ATF2: variants seen among roughly 807,000 people sequenced by gnomAD.
The protein encoded by ATF2 is cyclic AMP-dependent transcription factor ATF-2.
ATF2 carries 24 observed loss-of-function variants against 60.6 expected under a neutral mutation model. That is an observed-to-expected ratio of 0.40 (90% confidence interval 0.29 to 0.56). The LOEUF is 0.56. Ranked by LOEUF, ATF2 falls within the 20% of genes least tolerant of loss-of-function variation. The probability of loss-of-function intolerance (pLI) is 0.54; values close to 1 mark genes in which losing one functional copy is unlikely to be tolerated. For synonymous variants in ATF2, 206 were observed against 215.4 expected, an observed-to-expected ratio of 0.96 and a Z score of 0.38; for missense variants, 433 against 607.7, an observed-to-expected ratio of 0.71 and a Z score of 3.02.
chr2:175,140,343 T>C (rs1698417516), intron 2 of ATF2, among the ~76,000 whole-genome samples: 1 of 152,184 alleles, frequency 6.6e-6, no homozygotes, highest in Non-Finnish European at 1.5e-5. Context: ...ACTACAACAA[T>C]GGATGAATCT....
At chr2:175,114,369 A>C in intron 8 of ATF2, 1 of 1,260,924 alleles carries the variant, frequency 7.9e-7, no homozygotes, top group African/African-American at 1.5e-5. Context: ...CTGTCATCAG[A>C]GAGCTCTTGG....
chr2:175,118,376 T>C lies in ATF2; in HGVS notation c.200-7A>G. The C allele has an allele frequency of 1.9e-6, 3 of 1,596,888 alleles. No homozygotes were observed. The highest frequency in any genetic ancestry group is 2.6e-6 in the Non-Finnish European group (3 of 1,169,678). On this transcript the variant is annotated splice_polypyrimidine_tract_variant and splice_region_variant and intron_variant, in intron 5 of 13. Coordinates refer to ENST00000264110, the MANE Select transcript of ATF2 (RefSeq NM_001880.4). ...GTTGGTGTTGGGGTCTGATCTGAAA[T>C]AAATGTCAAGAAGTAATCATGCATA...
intron 4 of ATF2, among the ~76,000 whole-genome samples, chr2:175,128,633 G>A (rs1360407469): frequency 6.6e-6 from 1 of 151,978 alleles, no homozygotes; most frequent in Non-Finnish European, 1.5e-5. Flanking sequence ...ATAATCTAAA[G>A]GCAAGCAAAA....
At chr2:175,129,908 C>T (rs1190657679) in intron 4 of ATF2, among the ~76,000 whole-genome samples, 1 of 151,936 alleles carries the variant, frequency 6.6e-6, no homozygotes, top group African/African-American at 2.4e-5. Context: ...CTTTCCATTA[C>T]AAGATATAAT....
intron 11 of ATF2, among the ~76,000 whole-genome samples, chr2:175,094,793 T>C (rs1213015684): frequency 6.6e-6 from 1 of 152,094 alleles, no homozygotes; most frequent in Non-Finnish European, 1.5e-5. Context: ...TTTAAAAAAT[T>C]AGCCAAGTGC....
At chr2:175,102,096 C>T (rs956105272) in intron 10 of ATF2, among the ~76,000 whole-genome samples, 2 of 151,734 alleles carry the variant, frequency 1.3e-5, no homozygotes, top group African/African-American at 4.8e-5. Flanking sequence ...TCAATGAAAA[C>T]AAATGTAATG....
intron 10 of ATF2, among the ~76,000 whole-genome samples, chr2:175,104,242 T>A (rs1283528100): frequency 2.0e-5 from 3 of 152,156 alleles, no homozygotes; most frequent in Admixed American, 6.6e-5. Context: ...CATGTTCCAA[T>A]CCCATTATTT....
At chr2:175,166,426 C>A (rs1014818508) in intron 1 of ATF2, among the ~76,000 whole-genome samples, 2 of 152,158 alleles carry the variant, frequency 1.3e-5, no homozygotes, top group Non-Finnish European at 2.9e-5. Flanking sequence ...TACGCAACTA[C>A]TGATGGCCTT....
At position 175,074,723 on chromosome 2, in the gene ATF2, C is replaced by G. The variant is rs771117385; in HGVS notation, c.1404G>C (p.Lys468Asn). Reference protein sequence around the residue: ...STSNGVSSTSKAEAVATSVLT... With the variant: ...STSNGVSSTSNAEAVATSVLT... ...GGACTGAAGTGGCTACAGCTTCTGC[C>G]TTGGAGGTTGAACTGACTCCATTGG... is the stretch of plus-strand genomic sequence containing the variant. The change falls in exon 14 of 14, where the codon AAG (lysine) becomes AAC (asparagine). Residue 468 changes from lysine to asparagine, a missense_variant. Lys to Asn is a moderately conservative substitution (Grantham distance 94, BLOSUM62 0). Coordinates refer to ENST00000264110, the MANE Select transcript of ATF2 (RefSeq NM_001880.4). 4.5e-5 allele frequency: 72 copies of G among 1,613,358 alleles called. No individual in the cohort carries two copies. The highest frequency in any genetic ancestry group is 6.0e-5 in the Non-Finnish European group (71 of 1,179,724).
At chr2:175,134,541 A>T (rs911229909) in intron 3 of ATF2, among the ~76,000 whole-genome samples, 13 of 105,192 alleles carry the variant, frequency 1.2e-4, no homozygotes, top group Admixed American at 2.1e-4. Context: ...AAACTGGTTT[A>T]AAAAAAAAAA....
chr2:175,079,234 A>G (rs1198774931), intron 13 of ATF2, among the ~76,000 whole-genome samples: 3 of 152,206 alleles, frequency 2.0e-5, no homozygotes, highest in African/African-American at 4.8e-5. Context: ...TCAAAGATTT[A>G]AAAATTACAG....
intron 9 of ATF2, among the ~76,000 whole-genome samples, chr2:175,112,524 TGGG>T (rs1696269206): frequency 6.6e-6 from 1 of 152,210 alleles, no homozygotes; most frequent in Admixed American, 6.5e-5. Flanking sequence ...GTAATATTCT[TGGG>T]GGTAATCTCA....
chr2:175,147,230 A>G (rs1367750342), intron 2 of ATF2, among the ~76,000 whole-genome samples: 1 of 152,212 alleles, frequency 6.6e-6, no homozygotes, highest in Admixed American at 6.5e-5. Context: ...TGTAGTATCA[A>G]TATTCCCATG....
chr2:175,156,239 C>T (rs549076319), intron 1 of ATF2, among the ~76,000 whole-genome samples: 9 of 151,696 alleles, frequency 5.9e-5, no homozygotes, highest in Admixed American at 1.3e-4. Context: ...GGCGTGGTGG[C>T]GGGTGCCTGT....
intron 7 of ATF2, among the ~76,000 whole-genome samples, chr2:175,116,339 A>C (rs1696569583): frequency 7.2e-6 from 1 of 138,194 alleles, no homozygotes; most frequent in Non-Finnish European, 1.5e-5. Flanking sequence ...TTCAGTGTAA[A>C]AGAAAGAAGA....
At chr2:175,129,031 T>C (rs1697546099) in intron 4 of ATF2, among the ~76,000 whole-genome samples, 1 of 152,070 alleles carries the variant, frequency 6.6e-6, no homozygotes, top group Non-Finnish European at 1.5e-5. Context: ...CATGTGTCCA[T>C]AAAAAGACTT....
intron 10 of ATF2, among the ~76,000 whole-genome samples, chr2:175,103,926 T>C (rs1184681467): frequency 1.3e-5 from 2 of 152,166 alleles, no homozygotes; most frequent in Admixed American, 1.3e-4. Flanking sequence ...ATTTTTCTGT[T>C]GTATTAAAAA....
chr2:175,102,600 T>C (rs1695382693), intron 10 of ATF2, among the ~76,000 whole-genome samples: 1 of 151,870 alleles, frequency 6.6e-6, no homozygotes, highest in Non-Finnish European at 1.5e-5. Flanking sequence ...AAAACTCCAT[T>C]TCTACAAAAA....
chr2:175,094,426 A>AAAAAAAAAAAAAAAAG (rs1559059455), intron 11 of ATF2, among the ~76,000 whole-genome samples: 1 of 143,978 alleles, frequency 6.9e-6, no homozygotes, highest in African/African-American at 2.7e-5. Flanking sequence ...AAAAAAAAAA[A>AAAAAAAAAAAAAAAAG]AAAGAAAGAA....
Sources: allele counts gnomAD v4.1 joint callset (sites outside exome capture counted in the v4.1 genomes callset), GRCh38; gene constraint gnomAD v4.1.1; transcripts MANE v1.5; gene names NCBI Gene and HGNC (gene_info 2026-07-23, HGNC 2026-07-21).